EXOC4: variants seen among roughly 807,000 people sequenced by gnomAD.
EXOC4 encodes the protein SEC8-like 1.
In EXOC4, 71 loss-of-function variants were observed where a neutral mutation model predicts 107.2. The observed-to-expected ratio is 0.66, with a 90% confidence interval of 0.55 to 0.81. The LOEUF is 0.81. EXOC4 is among the 30% of genes least tolerant of loss of function. The pLI is 0.00. For missense variants in EXOC4, 1,108 were observed against 1,189.6 expected (o/e 0.93, Z 1.01); for synonymous variants, 456 against 441.2 (o/e 1.03, Z -0.42).
At position 133,374,967 on chromosome 7, in the gene EXOC4, G is replaced by T. The variant is rs1482943898; in HGVS notation, c.1147G>T (p.Ala383Ser). 6.2e-7 allele frequency: 1 copy of T among 1,613,782 alleles called. No individual in the cohort carries two copies. The highest frequency in any genetic ancestry group is 8.5e-7 in the Non-Finnish European group (1 of 1,179,958). The change falls in exon 7 of 18, where the codon GCA becomes TCA. Residue 383 changes from alanine (A) to serine (S), a missense_variant. Physicochemically the swap from Ala to Ser is moderately conservative, Grantham distance 99. Coordinates refer to ENST00000253861, the MANE Select transcript of EXOC4 (RefSeq NM_021807.4). ...QQEDIKLYDM[A>S]DVWVKIQDVL... ...GGAAGATATCAAACTGTATGATATG[G>T]CAGATGTATGGGTGAAGATCCAAGA...
chr7:133,835,166 G>A (rs1019283277), intron 11 of EXOC4, among the ~76,000 whole-genome samples: 4 of 151,986 alleles, frequency 2.6e-5, no homozygotes, highest in Admixed American at 6.6e-5. Context: ...CTAATACAGC[G>A]AAAAATAAAA....
intron 1 of EXOC4, among the ~76,000 whole-genome samples, chr7:133,270,225 T>C (rs1466406227): frequency 6.6e-6 from 1 of 152,206 alleles, no homozygotes; most frequent in African/African-American, 2.4e-5. Context: ...CATGTGGAAT[T>C]GTAAGTCCAG....
chr7:133,313,056 A>G (rs1393491155), intron 4 of EXOC4, among the ~76,000 whole-genome samples: 1 of 150,930 alleles, frequency 6.6e-6, no homozygotes, highest in Non-Finnish European at 1.5e-5. Flanking sequence ...TCTTCACTGC[A>G]TTGTATTCAT....
chr7:133,876,666 C>T (rs1479024045), intron 11 of EXOC4, among the ~76,000 whole-genome samples: 1 of 152,108 alleles, frequency 6.6e-6, no homozygotes, highest in South Asian at 2.1e-4. Flanking sequence ...CTTCTCCAGG[C>T]CACCCCAGTG....
intron 9 of EXOC4, among the ~76,000 whole-genome samples, chr7:133,523,892 C>T (rs1016027742): frequency 1.8e-4 from 28 of 151,720 alleles, no homozygotes; most frequent in Admixed American, 2.6e-4. Flanking sequence ...TGAATAGTGC[C>T]GCAATAAACA....
chr7:133,332,085 C>CT (rs1795407525), intron 5 of EXOC4, among the ~76,000 whole-genome samples: 1 of 152,182 alleles, frequency 6.6e-6, no homozygotes, highest in Non-Finnish European at 1.5e-5. Context: ...AACATTTTGA[C>CT]TGAGTAGTTA....
intron 10 of EXOC4, among the ~76,000 whole-genome samples, chr7:133,729,058 A>C (rs548635435): frequency 6.6e-6 from 1 of 152,158 alleles, no homozygotes; most frequent in Non-Finnish European, 1.5e-5. Context: ...CAGTTCTTCA[A>C]ATATTTGAAT....
chr7:133,691,930 A>T (rs990754510), intron 10 of EXOC4, among the ~76,000 whole-genome samples: 1 of 152,132 alleles, frequency 6.6e-6, no homozygotes, highest in Admixed American at 6.5e-5. Flanking sequence ...GACCATCTCC[A>T]CTGTGTACGT....
intron 11 of EXOC4, among the ~76,000 whole-genome samples, chr7:133,851,518 T>TC (rs1210523918): frequency 1.3e-5 from 2 of 152,148 alleles, no homozygotes; most frequent in African/African-American, 4.8e-5. Context: ...GGGGAAAGCA[T>TC]CTCAGAAGGT....
chr7:133,814,237 T>A (rs1301426001), intron 10 of EXOC4, among the ~76,000 whole-genome samples: 1 of 152,142 alleles, frequency 6.6e-6, no homozygotes, highest in African/African-American at 2.4e-5. Flanking sequence ...ATATAATTGT[T>A]ATATAGAGGT....
chr7:133,894,020 G>A (rs964917933), intron 11 of EXOC4, among the ~76,000 whole-genome samples: 1 of 98,368 alleles, frequency 1.0e-5, no homozygotes. Flanking sequence ...ATCCTGCAGA[G>A]TGTTTTCCAA....
chr7:133,600,086 G>T (rs1052311686), intron 9 of EXOC4, among the ~76,000 whole-genome samples: 1 of 151,774 alleles, frequency 6.6e-6, no homozygotes, highest in Admixed American at 6.6e-5. Flanking sequence ...ATTTTTAGTA[G>T]AGACAGGGTT....
chr7:134,064,221 C>A (rs549012109), intron 17 of EXOC4, 70 bp from the exon 18 acceptor site: 1 of 999,012 alleles, frequency 1.0e-6, no homozygotes, highest in Non-Finnish European at 1.4e-6. Context: ...GTATAGACAG[C>A]GTATTTGTCC....
chr7:134,024,450 CA>C (rs34739382), intron 17 of EXOC4, among the ~76,000 whole-genome samples: 84 of 134,818 alleles, frequency 6.2e-4, no homozygotes, highest in Middle Eastern at 7.5e-3. Flanking sequence ...GACTCCATCT[CA>C]AAAAAAAAAA....
chr7:134,007,594 G>A lies in EXOC4; in HGVS notation c.2528-82G>A, dbSNP rs1585317361. On this transcript the variant is annotated intron_variant, in intron 16 of 17. Coordinates refer to ENST00000253861, the MANE Select transcript of EXOC4 (RefSeq NM_021807.4). ...TAAATGTATAGAGGATTAGAAGACA[G>A]CAATTCTGTGTGCAAGTTTCTGCAG... The A allele has an allele frequency of 5.2e-6, 7 of 1,340,912 alleles. No individual in the cohort carries two copies. In the East Asian group the frequency reaches 1.5e-4, roughly 28 times the overall value. The allele number at this position is 1,340,912 out of a possible 1,614,324, so 83.1% of individuals were successfully genotyped here.
At chr7:133,276,132 C>T (rs1475562061) in intron 2 of EXOC4, among the ~76,000 whole-genome samples, 1 of 152,000 alleles carries the variant, frequency 6.6e-6, no homozygotes, top group Non-Finnish European at 1.5e-5. Context: ...TTCTCCCTGT[C>T]TCTCTCTTCT....
intron 9 of EXOC4, among the ~76,000 whole-genome samples, chr7:133,507,737 T>G (rs566688030): frequency 1.4e-4 from 22 of 152,304 alleles, no homozygotes; most frequent in African/African-American, 5.1e-4. Context: ...AGTTCTGAAG[T>G]ATAAAGTGTT....
rs1236211801 is a variant in EXOC4, at chr7:134,064,615, G to A, written c.*87G>A. ...TGTTATTGAGTATATTCTGAGCTTAGTTTTCTCTACAGTGATACTTTAGTG... is the reference window on the plus strand; with the variant it reads ...TGTTATTGAGTATATTCTGAGCTTAATTTTCTCTACAGTGATACTTTAGTG... On this transcript the variant is annotated 3_prime_UTR_variant, in exon 18 of 18. Transcript: ENST00000253861. The A allele has an allele frequency of 3.3e-6, 3 of 895,744 alleles. No homozygotes were observed. Among genetic ancestry groups the A allele is most frequent in the Non-Finnish European group, 5.0e-6 (3 of 598,200 alleles). The allele number at this position is 895,744 out of a possible 1,614,324, so 55.5% of individuals were successfully genotyped here. A position where few individuals can be genotyped will look rare whatever the true frequency, so the allele number is the denominator to read the frequency against.
intron 14 of EXOC4, among the ~76,000 whole-genome samples, chr7:133,982,154 A>T (rs555855854): frequency 6.6e-6 from 1 of 152,202 alleles, no homozygotes; most frequent in East Asian, 1.9e-4. Context: ...TATTAGGCCT[A>T]TGCCTGGGTG....
Sources: gnomAD v4.1 joint callset for allele counts (sites outside exome capture counted in the v4.1 genomes callset) on GRCh38, gnomAD v4.1.1 for gene constraint, MANE v1.5 for transcripts, NCBI Gene and HGNC (gene_info 2026-07-23, HGNC 2026-07-21) for gene names.